SOD2: variants seen among roughly 807,000 people sequenced by gnomAD.
The protein encoded by SOD2 is superoxide dismutase 2, also known as superoxide dismutase [Mn], mitochondrial.
Under a neutral mutation model 27.0 loss-of-function variants are expected in SOD2, and 11 were observed. The observed-to-expected ratio is 0.41, with a 90% CI of 0.26 to 0.67. The LOEUF (loss-of-function observed/expected upper bound fraction) is 0.67. SOD2 is among the 30% of genes least tolerant of loss of function. The pLI, the probability that SOD2 is intolerant of heterozygous loss-of-function variation, is 0.34. For synonymous variants in SOD2, 105 were observed against 103.0 expected (o/e 1.02, Z -0.12); for missense variants, 250 against 274.5 (o/e 0.91, Z 0.63).
intron 1 of SOD2, among the ~76,000 whole-genome samples, chr6:159,708,112 C>T (rs988665628): frequency 3.1e-4 from 47 of 152,262 alleles, no homozygotes; most frequent in African/African-American, 1.1e-3. Flanking sequence ...ATTGATGGGA[C>T]GTATCTCAAA....
upstream of SOD2, among the ~76,000 whole-genome samples, chr6:159,728,024 C>T (rs545732189): frequency 2.0e-3 from 302 of 152,358 alleles, 6 homozygotes; most frequent in Admixed American, 4.2e-3. Flanking sequence ...TTTTCCTCGC[C>T]TCGGGGTCGC....
upstream of SOD2, chr6:159,748,088 T>C (rs1779683651): frequency 1.4e-5 from 20 of 1,382,696 alleles, no homozygotes; most frequent in East Asian, 9.6e-5. The surrounding 1 kb of genome is among the most constrained non-coding windows in gnomAD (Gnocchi z 5.6). Flanking sequence ...GGGAGGAGCT[T>C]AATGAAAGAG....
chr6:159,717,312 G>A (rs1206526602), intron 1 of SOD2, among the ~76,000 whole-genome samples: 1 of 152,012 alleles, frequency 6.6e-6, no homozygotes, highest in Non-Finnish European at 1.5e-5. Flanking sequence ...ACAGGGTCTC[G>A]CTGTGTTGCC....
At chr6:159,727,118 G>A (rs572165912) in intron 1 of SOD2, 3 of 1,193,676 alleles carry the variant, frequency 2.5e-6, no homozygotes, top group African/African-American at 1.6e-5. Flanking sequence ...CCCCTCGGCC[G>A]CTTCCCTTAC....
chr6:159,714,718 T>C (rs1052464204), intron 1 of SOD2, among the ~76,000 whole-genome samples: 1 of 152,220 alleles, frequency 6.6e-6, no homozygotes, highest in Non-Finnish European at 1.5e-5. Context: ...CCACTGGCAT[T>C]TTCATCAGAA....
Position 159,736,108 on chromosome 6 carries a change from A to T in SOD2, c.-116+9022T>A, listed in dbSNP as rs116271519. 1.7e-3 allele frequency: 1,419 copies of T among 831,052 alleles called. 16 individuals are homozygous for T. In the African/African-American group the frequency reaches 0.022, roughly 13 times the overall value. The allele number at this position is 831,052 out of a possible 1,614,324, so 51.5% of individuals were successfully genotyped here. On this transcript the variant is annotated intron_variant, in intron 1 of 3. Coordinates refer to the SOD2 transcript ENST00000537657. ...TCTTTGCCACTTTTTTGTAAATCTA[A>T]AACTATTTTAAAATTGTTTATTTAA...
At chr6:159,728,289 C>T (rs1261487993), upstream of SOD2, among the ~76,000 whole-genome samples, 2 of 151,632 alleles carry the variant, frequency 1.3e-5, no homozygotes, top group Non-Finnish European at 2.9e-5. Flanking sequence ...CACCGTTTTT[C>T]ATAAGTCTGT....
intron 1 of SOD2, chr6:159,738,922 T>C (rs1779078910): frequency 2.6e-6 from 3 of 1,160,090 alleles, no homozygotes; most frequent in Non-Finnish European, 3.8e-6. Context: ...AGATGTTTCA[T>C]AGGTCTCATT....
intron 1 of SOD2, chr6:159,713,584 G>T: frequency 1.1e-6 from 1 of 887,828 alleles, no homozygotes; most frequent in Non-Finnish European, 1.9e-6. Flanking sequence ...TATCCCATTT[G>T]GCACAATTTC....
At chr6:159,740,248 A>G (rs958554332) in intron 1 of SOD2, among the ~76,000 whole-genome samples, 6 of 152,036 alleles carry the variant, frequency 3.9e-5, no homozygotes, top group African/African-American at 7.2e-5. Flanking sequence ...ATTTAACTGT[A>G]GGAGGGGAAA....
rs144403512 is a variant in SOD2 at position 159,700,881 on chromosome 6, C to G, written c.-115-8018G>C. On this transcript the variant is annotated intron_variant, in intron 1 of 2. Transcript: ENST00000401980. ...GACCTGATTTTCATTTAGGTTCAGT[C>G]TAAGCTTTCCAAATCAAGCAGAGAC... Among the ~76,000 whole-genome samples the G allele has an allele frequency of 1.7e-4, 26 of 152,202 alleles. No individual in the cohort carries two copies. The East Asian group carries it at 2.7e-3, about 16-fold the overall frequency.
intron 1 of SOD2, chr6:159,755,625 A>G (rs769481216): frequency 1.7e-5 from 26 of 1,574,218 alleles, no homozygotes; most frequent in East Asian, 2.2e-5. Flanking sequence ...TTTTTCAGCA[A>G]ATTTTTATAC....
chr6:159,711,915 C>T (rs1220711849), intron 1 of SOD2, among the ~76,000 whole-genome samples: 1 of 130,112 alleles, frequency 7.7e-6, no homozygotes, highest in East Asian at 3.0e-4. Flanking sequence ...GCTCTGATCA[C>T]CATAACCACC....
At chr6:159,732,444 A>C (rs145636316) in intron 1 of SOD2, among the ~76,000 whole-genome samples, 4 of 152,312 alleles carry the variant, frequency 2.6e-5, no homozygotes, top group African/African-American at 7.2e-5. Flanking sequence ...TGGTTCTCAA[A>C]ATTTTATGTT....
At chr6:159,710,892 TCGACAA>T (rs1190487504) in intron 1 of SOD2, among the ~76,000 whole-genome samples, 68 of 142,472 alleles carry the variant, frequency 4.8e-4, no homozygotes, top group African/African-American at 1.7e-3. Flanking sequence ...CATAACCGCC[TCGACAA>T]CCACCACTTA....
At chr6:159,731,892 AAC>A (rs1778593308), upstream of SOD2, among the ~76,000 whole-genome samples, 1 of 152,232 alleles carries the variant, frequency 6.6e-6, no homozygotes, top group Non-Finnish European at 1.5e-5. Flanking sequence ...GCCCTTTAAA[AAC>A]AGATTATCAT....
At chr6:159,729,276 A>G (rs1778419043), upstream of SOD2, among the ~76,000 whole-genome samples, 1 of 152,228 alleles carries the variant, frequency 6.6e-6, no homozygotes, top group South Asian at 2.1e-4. Context: ...CAGCAAAAGA[A>G]GACTGAAGAT....
chr6:159,689,011 T>C (rs1420615059), intron 2 of SOD2, among the ~76,000 whole-genome samples: 1 of 152,134 alleles, frequency 6.6e-6, no homozygotes, highest in Non-Finnish European at 1.5e-5. Flanking sequence ...CCCTCAGTTT[T>C]GGGGGGTGGG....
At position 159,743,628 on chromosome 6, in the gene SOD2, T is replaced by G. The variant is rs370497358; in HGVS notation, c.-116+1502A>C. The G allele has an allele frequency of 2.1e-5, 32 of 1,558,636 alleles. No homozygotes were observed. The Middle Eastern group carries it at 6.9e-4, about 34-fold the overall frequency. The stretch of plus-strand genomic sequence containing the variant: ...TGACAGAGGTATTTAGAACTTGATC[T>G]TAAAATTGTATTTATAATTTTTTTT... On this transcript the variant is annotated intron_variant, in intron 1 of 3. Transcript: ENST00000537657.
Sources: allele counts gnomAD v4.1 joint callset (sites outside exome capture counted in the v4.1 genomes callset), GRCh38; gene constraint gnomAD v4.1.1; non-coding constraint Gnocchi (gnomAD v3.1); transcripts MANE v1.5; gene names NCBI Gene and HGNC (gene_info 2026-07-23, HGNC 2026-07-21).